The following PUM2 variants were observed in gnomAD, a reference collection of about 807,000 sequenced individuals.
PUM2 encodes pumilio homolog 2.
In PUM2, 57 loss-of-function variants were observed where a neutral mutation model predicts 124.5. The ratio of observed to expected loss-of-function variants is 0.46; its 90% CI spans 0.37 to 0.57. PUM2 has a LOEUF of 0.57. PUM2 is among the 20% of genes least tolerant of loss of function. The probability of loss-of-function intolerance (pLI) is 0.00; values close to 1 mark genes in which losing one functional copy is unlikely to be tolerated. For missense variants in PUM2, 1,065 were observed against 1,290.6 expected (o/e 0.83, Z 2.68); for synonymous variants, 460 against 446.1 (o/e 1.03, Z -0.39).
intron 13 of PUM2, among the ~76,000 whole-genome samples, chr2:20,269,181 A>G (rs550985287): frequency 6.6e-6 from 1 of 151,990 alleles, no homozygotes; most frequent in East Asian, 1.9e-4. Context: ...TATAAACTGA[A>G]TAAAATTTTA....
At chr2:20,251,990 T>C (rs1418147634) in intron 20 of PUM2, among the ~76,000 whole-genome samples, 2 of 152,176 alleles carry the variant, frequency 1.3e-5, no homozygotes, top group African/African-American at 2.4e-5. Context: ...TACCCAGTAA[T>C]TCCACATCCA....
chr2:20,311,642 C>A lies in PUM2; in HGVS notation c.370G>T (p.Asp124Tyr). 6.2e-7 allele frequency: 1 copy of A among 1,613,160 alleles called. No individual in the cohort carries two copies. Among genetic ancestry groups the A allele is most frequent in the Non-Finnish European group, 8.5e-7 (1 of 1,179,550 alleles). Residue 124 changes from aspartate to tyrosine, a missense_variant, in exon 5 of 21, where the codon GAT becomes TAT. Transcript: ENST00000361078. The stretch of plus-strand genomic sequence containing the variant: ...TTTTGATCTCCTTTCTCAGGTCCAT[C>A]TGTTTCAGCATCTCTAGTGCCCTGA... ...GNFGTRDAET[D>Y]GPEKGDQKGK...
At chr2:20,286,201 G>A (rs1672693914) in intron 10 of PUM2, among the ~76,000 whole-genome samples, 1 of 152,174 alleles carries the variant, frequency 6.6e-6, no homozygotes. Flanking sequence ...ACTCCATAGG[G>A]GAGAAAAGAG....
intron 1 of PUM2, among the ~76,000 whole-genome samples, chr2:20,347,227 A>ATT (rs779909039): frequency 1.3e-5 from 2 of 152,242 alleles, no homozygotes; most frequent in Non-Finnish European, 2.9e-5. Flanking sequence ...CAGCTTAAAT[A>ATT]AACAATCTGT....
chr2:20,302,383 A>T (rs941590177), intron 7 of PUM2, among the ~76,000 whole-genome samples: 49 of 152,346 alleles, frequency 3.2e-4, no homozygotes, highest in Admixed American at 1.9e-3. Flanking sequence ...AAAATTTTTT[A>T]AAAATTTTGT....
rs1210476688 is a variant in PUM2, at chr2:20,249,634, A to G, written c.*1951T>C. 6.6e-6 allele frequency: 1 copy of G among 152,626 alleles called. No individual in the cohort carries two copies. Among genetic ancestry groups the G allele is most frequent in the Non-Finnish European group, 1.5e-5 (1 of 68,028 alleles). The allele number at this position is 152,626 out of a possible 1,614,324, so 9.5% of individuals were successfully genotyped here. A position where few individuals can be genotyped will look rare whatever the true frequency, so the allele number is the denominator to read the frequency against. On this transcript the variant is annotated 3_prime_UTR_variant, in exon 21 of 21. Transcript: ENST00000361078. ...AAGTGATAAAACCTTTAGATTCCAT[A>G]TTGTGCTCAGAAGATTGCGTTTCTT...
intron 12 of PUM2, among the ~76,000 whole-genome samples, chr2:20,282,415 T>C (rs1427219171): frequency 2.0e-5 from 3 of 152,256 alleles, no homozygotes; most frequent in Non-Finnish European, 4.4e-5. Flanking sequence ...ACCATACTGG[T>C]AGCTTCTTAG....
chr2:20,302,501 C>T (rs967034961), intron 7 of PUM2, among the ~76,000 whole-genome samples: 17 of 152,000 alleles, frequency 1.1e-4, no homozygotes, highest in African/African-American at 4.1e-4. Context: ...ACCCAATAAC[C>T]GCCCCCCCAA....
At position 20,325,624 on chromosome 2, in the gene PUM2, C is replaced by CTT. The variant is rs372989412; in HGVS notation, c.51+1684_51+1685dup. On this transcript the variant is annotated intron_variant, in intron 2 of 20. Coordinates refer to ENST00000361078, the MANE Select transcript of PUM2 (RefSeq NM_015317.5). ...AATGTAGGAGTATGACTCTCTTGTT[C>CTT]TTTTTTTTTTTTTTTGAGACGGAGT... Among the ~76,000 whole-genome samples, 1,227 of 141,654 alleles carry CTT rather than the reference C, an allele frequency of 8.7e-3. 11 individuals carry two copies. The highest frequency in any genetic ancestry group is 0.056 in the Middle Eastern group (15 of 270). 92.9% of individuals were successfully genotyped at this position (141,654 alleles called of 152,430 possible). A position where few individuals can be genotyped will look rare whatever the true frequency, so the allele number is the denominator to read the frequency against.
At position 20,307,970 on chromosome 2, in the gene PUM2, AG is replaced by A. The variant is rs773562588; in HGVS notation, c.883+7del. The A allele has an allele frequency of 1.2e-6, 2 of 1,610,648 alleles. No homozygotes were observed. Among genetic ancestry groups the A allele is most frequent in the East Asian group, 4.5e-5 (2 of 44,754 alleles). On this transcript the variant is annotated splice_region_variant and intron_variant, in intron 7 of 20. Coordinates refer to ENST00000361078, the MANE Select transcript of PUM2 (RefSeq NM_015317.5). ...CTTTGGTCAAAATGAGAACGTATGA[AG>A]ACTCACCTATATGTGGCTGCTGAGC...
At chr2:20,299,197 T>C (rs953888863) in intron 7 of PUM2, among the ~76,000 whole-genome samples, 8 of 152,090 alleles carry the variant, frequency 5.3e-5, no homozygotes, top group South Asian at 2.1e-4. Flanking sequence ...TGGAAAGCAG[T>C]CCTGGAGACT....
chr2:20,316,431 T>C (rs1442977054), intron 3 of PUM2, among the ~76,000 whole-genome samples: 1 of 152,018 alleles, frequency 6.6e-6, no homozygotes, highest in Non-Finnish European at 1.5e-5. Flanking sequence ...TGGCTAATTA[T>C]CATCCAAAAA....
At chr2:20,343,803 C>T (rs1191997523) in intron 1 of PUM2, among the ~76,000 whole-genome samples, 1 of 152,122 alleles carries the variant, frequency 6.6e-6, no homozygotes, top group African/African-American at 2.4e-5. Flanking sequence ...ATGTTGTGCG[C>T]CTGTAATGCC....
chr2:20,326,275 T>A, intron 2 of PUM2: 1 of 1,303,822 alleles, frequency 7.7e-7, no homozygotes, highest in Non-Finnish European at 1.0e-6. Flanking sequence ...AAATCAGTCC[T>A]CTGAAAATGA....
chr2:20,252,326 G>A (rs1015262003), intron 20 of PUM2, among the ~76,000 whole-genome samples: 16 of 152,110 alleles, frequency 1.1e-4, no homozygotes, highest in Non-Finnish European at 2.9e-5. Context: ...GTGGGAGGAT[G>A]GCTTGAGCCA....
At chr2:20,294,676 T>C (rs564098247) in intron 8 of PUM2, among the ~76,000 whole-genome samples, 158 bp from the exon 9 acceptor site, 83 of 152,296 alleles carry the variant, frequency 5.4e-4, no homozygotes, top group African/African-American at 2.0e-3. Flanking sequence ...GTGACAGCAA[T>C]GGTCTTAAAG....
chr2:20,336,871 C>T (rs1446640391), intron 1 of PUM2, among the ~76,000 whole-genome samples: 1 of 151,714 alleles, frequency 6.6e-6, no homozygotes, highest in Non-Finnish European at 1.5e-5. Flanking sequence ...ATCCTTCCAC[C>T]TCGGCCTCCC....
At chr2:20,351,998 C>T (rs1463316113), upstream of PUM2, among the ~76,000 whole-genome samples, 1 of 152,146 alleles carries the variant, frequency 6.6e-6, no homozygotes, top group Non-Finnish European at 1.5e-5. Context: ...CTTGAATTTT[C>T]TTGTCACCAA....
intron 5 of PUM2, among the ~76,000 whole-genome samples, chr2:20,309,489 T>C (rs1051585565): frequency 6.6e-6 from 1 of 151,962 alleles, no homozygotes; most frequent in Admixed American, 6.6e-5. Flanking sequence ...AAGGAATTCA[T>C]TAACACTGGA....
Sources: allele counts gnomAD v4.1 joint callset (sites outside exome capture counted in the v4.1 genomes callset), GRCh38; gene constraint gnomAD v4.1.1; transcripts MANE v1.5; gene names NCBI Gene and HGNC (gene_info 2026-07-23, HGNC 2026-07-21).